CCSER1: variants seen among roughly 807,000 people sequenced by gnomAD.
CCSER1 encodes the protein coiled-coil serine rich protein 1.
Under a neutral mutation model 82.0 loss-of-function variants are expected in CCSER1, and 41 were observed. That is an observed-to-expected ratio of 0.50 (90% CI 0.39 to 0.65). The LOEUF is 0.65. Among genes scored for constraint, CCSER1 ranks in the 30% least tolerant of loss-of-function variants. The pLI, the probability that CCSER1 is intolerant of heterozygous loss-of-function variation, is 0.00. For missense variants in CCSER1, 1,119 were observed against 1,064.2 expected (o/e 1.05, Z -0.72); for synonymous variants, 414 against 383.9 (o/e 1.08, Z -0.92).
At chr4:90,197,823 G>A (rs2153402086) in intron 1 of CCSER1, among the ~76,000 whole-genome samples, 1 of 151,690 alleles carries the variant, frequency 6.6e-6, no homozygotes, top group East Asian at 1.9e-4. Context: ...GACAGTTAAT[G>A]GTTACAAAAA....
intron 8 of CCSER1, among the ~76,000 whole-genome samples, chr4:90,880,797 T>G (rs948840677): frequency 1.3e-5 from 2 of 152,090 alleles, no homozygotes; most frequent in Non-Finnish European, 2.9e-5. Flanking sequence ...CCTGGAGGTA[T>G]CACCATTGAA....
intron 4 of CCSER1, among the ~76,000 whole-genome samples, chr4:90,420,151 T>G (rs114779109): frequency 0.018 from 2,777 of 152,076 alleles, 50 homozygotes; most frequent in African/African-American, 0.038. Flanking sequence ...AAATTTAATA[T>G]TTTTTATTAG....
chr4:90,980,400 G>A (rs999935793), intron 9 of CCSER1, among the ~76,000 whole-genome samples: 2 of 151,848 alleles, frequency 1.3e-5, no homozygotes, highest in African/African-American at 2.4e-5. Context: ...AAGGTCGTGT[G>A]AGTACACAGA....
intron 1 of CCSER1, among the ~76,000 whole-genome samples, chr4:90,181,822 A>G (rs903813574): frequency 5.9e-5 from 9 of 152,158 alleles, no homozygotes; most frequent in South Asian, 2.1e-4. Context: ...GAGTCAGCTG[A>G]CTGAGGTGCC....
Position 91,078,662 on chromosome 4 carries a change from G to A in CCSER1, c.2173-7288G>A, listed in dbSNP as rs549666840. On this transcript the variant is annotated intron_variant, in intron 9 of 10. Coordinates refer to ENST00000509176, the MANE Select transcript of CCSER1 (RefSeq NM_001145065.2). The stretch of plus-strand genomic sequence containing the variant: ...CTAAAGGAGGATGTACGAACCCATC[G>A]CAAGAAGCTAAAAACCTTGAAAACA... Among the ~76,000 whole-genome samples the A allele has an allele frequency of 5.9e-5, 9 of 152,292 alleles. No individual in the cohort carries two copies. In the South Asian group the frequency reaches 1.5e-3, roughly 25 times the overall value.
intron 9 of CCSER1, among the ~76,000 whole-genome samples, chr4:91,003,378 C>T (rs914943599): frequency 4.6e-5 from 7 of 152,056 alleles, no homozygotes; most frequent in Non-Finnish European, 7.4e-5. Context: ...AGCTCAGCCT[C>T]TCCTTGGGTG....
At chr4:90,635,043 G>A (rs1385172190) in intron 6 of CCSER1, among the ~76,000 whole-genome samples, 8 of 151,746 alleles carry the variant, frequency 5.3e-5, no homozygotes, top group African/African-American at 1.9e-4. Flanking sequence ...ACATGTGGAT[G>A]GCTTGTTTCA....
At chr4:91,042,646 GT>G (rs1296778861) in intron 9 of CCSER1, among the ~76,000 whole-genome samples, 2 of 152,024 alleles carry the variant, frequency 1.3e-5, no homozygotes, top group Non-Finnish European at 2.9e-5. Flanking sequence ...GTTAGTAAAT[GT>G]TCCCATTTTC....
intron 10 of CCSER1, among the ~76,000 whole-genome samples, chr4:91,444,519 G>T (rs971192066): frequency 6.6e-6 from 1 of 151,430 alleles, no homozygotes; most frequent in African/African-American, 2.4e-5. Context: ...GCACCATCTC[G>T]GCTCACTGCA....
intron 5 of CCSER1, among the ~76,000 whole-genome samples, chr4:90,582,469 C>G (rs754546685): frequency 6.6e-6 from 1 of 152,158 alleles, no homozygotes; most frequent in Non-Finnish European, 1.5e-5. Context: ...TGTAGTATTG[C>G]TACTCCACAT....
intron 8 of CCSER1, among the ~76,000 whole-genome samples, chr4:90,906,487 G>A (rs1725492641): frequency 6.6e-6 from 1 of 152,048 alleles, no homozygotes; most frequent in Non-Finnish European, 1.5e-5. Context: ...GTTAATGAAT[G>A]ACTGTCTTGG....
chr4:90,168,220 G>A (rs1730897693), intron 1 of CCSER1, among the ~76,000 whole-genome samples: 1 of 152,110 alleles, frequency 6.6e-6, no homozygotes, highest in Non-Finnish European at 1.5e-5. Context: ...TTTCTCTGAT[G>A]GCCAGTGATG....
intron 10 of CCSER1, among the ~76,000 whole-genome samples, chr4:91,380,936 G>A (rs1048393678): frequency 1.3e-5 from 2 of 152,134 alleles, no homozygotes; most frequent in African/African-American, 4.8e-5. Context: ...TTATAGGACA[G>A]GCCTAGTGGT....
chr4:91,231,507 C>T (rs780319317), intron 10 of CCSER1, among the ~76,000 whole-genome samples: 10 of 151,382 alleles, frequency 6.6e-5, no homozygotes, highest in Non-Finnish European at 8.9e-5. Flanking sequence ...ATCCATTATA[C>T]GTATAGGTTG....
At chr4:90,171,521 G>A (rs1163171593) in intron 1 of CCSER1, among the ~76,000 whole-genome samples, 1 of 151,872 alleles carries the variant, frequency 6.6e-6, no homozygotes, top group African/African-American at 2.4e-5. Flanking sequence ...TAATCTGACA[G>A]TGTAACTTCC....
chr4:91,453,319 C>T (rs1029494598), intron 10 of CCSER1, among the ~76,000 whole-genome samples: 1 of 151,892 alleles, frequency 6.6e-6, no homozygotes, highest in South Asian at 2.1e-4. Context: ...AGAAAGTCAC[C>T]ATGTTCATTT....
chr4:90,288,286 A>G (rs1730272342), intron 1 of CCSER1, among the ~76,000 whole-genome samples: 1 of 151,892 alleles, frequency 6.6e-6, no homozygotes, highest in East Asian at 1.9e-4. Flanking sequence ...ACTTGGAATG[A>G]TCAGGCCTGC....
chr4:90,316,245 A>G (rs1736139901), intron 3 of CCSER1, among the ~76,000 whole-genome samples: 1 of 152,220 alleles, frequency 6.6e-6, no homozygotes, highest in Non-Finnish European at 1.5e-5. Flanking sequence ...TAGCTCATAA[A>G]TGGCAGAGAT....
intron 8 of CCSER1, among the ~76,000 whole-genome samples, chr4:90,844,740 A>G (rs1221945495): frequency 6.6e-6 from 1 of 152,046 alleles, no homozygotes; most frequent in Non-Finnish European, 1.5e-5. Context: ...ATACTATCTA[A>G]TTATTTATAT....
Sources: allele counts gnomAD v4.1 joint callset (sites outside exome capture counted in the v4.1 genomes callset), GRCh38; gene constraint gnomAD v4.1.1; transcripts MANE v1.5; gene names NCBI Gene and HGNC (gene_info 2026-07-23, HGNC 2026-07-21).